The following SLC38A1 variants were observed in gnomAD, a reference collection of about 807,000 sequenced individuals.
SLC38A1 encodes sodium-coupled neutral amino acid symporter 1.
SLC38A1 carries 18 observed loss-of-function variants against 60.3 expected under a neutral mutation model. That is an observed-to-expected ratio of 0.30 (90% CI 0.21 to 0.44). The LOEUF is 0.44. Ranked by LOEUF, SLC38A1 falls within the 20% of genes least tolerant of loss-of-function variation. SLC38A1 has a pLI of 1.00. For synonymous variants in SLC38A1, 196 were observed against 212.1 expected (o/e 0.92, Z 0.66); for missense variants, 448 against 587.2 (o/e 0.76, Z 2.45).
At chr12:46,202,062 T>G (rs532081248) in intron 12 of SLC38A1, among the ~76,000 whole-genome samples, 1 of 151,578 alleles carries the variant, frequency 6.6e-6, no homozygotes, top group South Asian at 2.1e-4. Flanking sequence ...GCATGGGGCA[T>G]GTGCCTGTAG....
intron 1 of SLC38A1, among the ~76,000 whole-genome samples, chr12:46,244,099 T>A (rs755241490): frequency 8.9e-4 from 135 of 152,218 alleles, no homozygotes; most frequent in Non-Finnish European, 1.5e-3. Flanking sequence ...GAACGAAGAA[T>A]AAGTCTGGTT....
chr12:46,234,615 T>C (rs1314299087), intron 3 of SLC38A1, among the ~76,000 whole-genome samples: 4 of 152,062 alleles, frequency 2.6e-5, no homozygotes, highest in Non-Finnish European at 5.9e-5. Context: ...ACCCGGCTAA[T>C]TTTTTGTATT....
chr12:46,223,315 T>C (rs1399395096), intron 5 of SLC38A1, among the ~76,000 whole-genome samples: 1 of 152,188 alleles, frequency 6.6e-6, no homozygotes, highest in Non-Finnish European at 1.5e-5. Context: ...GTAGCATATA[T>C]AGATACTGTT....
chr12:46,261,872 G>T (rs1942207518), intron 1 of SLC38A1, among the ~76,000 whole-genome samples: 1 of 152,170 alleles, frequency 6.6e-6, no homozygotes, highest in African/African-American at 2.4e-5. Context: ...GAGGTATTTG[G>T]CAATGCCTGG....
chr12:46,223,224 A>T (rs2137712314), intron 5 of SLC38A1, among the ~76,000 whole-genome samples: 1 of 152,216 alleles, frequency 6.6e-6, no homozygotes, highest in Middle Eastern at 3.4e-3. Context: ...ATCACAGGTA[A>T]GTTATTAAGC....
At chr12:46,211,072 G>A (rs1049618553) in intron 5 of SLC38A1, among the ~76,000 whole-genome samples, 11 of 152,048 alleles carry the variant, frequency 7.2e-5, no homozygotes, top group South Asian at 2.1e-4. Flanking sequence ...TTTTTTTCCC[G>A]TCAAGTAAGA....
rs545784647 is a variant in SLC38A1 at position 46,218,855 on chromosome 12, C to T, written c.315-9728G>A. ...TCATAGGGGGGTGAAGTAAGATTTT[C>T]TTGCTGTCTTCTGTTCCTGGGTGCA... is the stretch of plus-strand genomic sequence containing the variant. On this transcript the variant is annotated intron_variant, in intron 5 of 16. Transcript: ENST00000398637. 3.9e-5 allele frequency among the ~76,000 whole-genome samples: 6 copies of T among 152,136 alleles called. 1 individual carries two copies. Among genetic ancestry groups the T allele is most frequent in the African/African-American group, 1.4e-4 (6 of 41,490 alleles).
At chr12:46,256,019 T>C (rs1482846486) in intron 1 of SLC38A1, among the ~76,000 whole-genome samples, 1 of 151,704 alleles carries the variant, frequency 6.6e-6, no homozygotes, top group Non-Finnish European at 1.5e-5. Flanking sequence ...TACAAAAAAT[T>C]AGCTGGGCAT....
chr12:46,212,671 A>C (rs1365095194), intron 5 of SLC38A1, among the ~76,000 whole-genome samples: 1 of 152,176 alleles, frequency 6.6e-6, no homozygotes, highest in Admixed American at 6.5e-5. Context: ...CCTGAGAAGA[A>C]ACTTAGAATT....
At chr12:46,261,091 C>G (rs1467694424) in intron 1 of SLC38A1, among the ~76,000 whole-genome samples, 1 of 152,166 alleles carries the variant, frequency 6.6e-6, no homozygotes, top group Non-Finnish European at 1.5e-5. Context: ...TCACACCATC[C>G]CCCTGATCCT....
chr12:46,183,815 G>C lies in SLC38A1; in HGVS notation c.*5155C>G, dbSNP rs1430505073. 5 of 152,152 alleles carry C rather than the reference G, an allele frequency of 3.3e-5. No homozygotes were observed. The highest frequency in any genetic ancestry group is 6.6e-5 in the Admixed American group (1 of 15,264). 9.4% of individuals were successfully genotyped at this position (152,152 alleles called of 1,614,324 possible). ...GACATTTCTTTCTCTAAATTAAGTAGGGTTTCAGGTTCCAAGTTTACATTG... is the reference window on the plus strand; with the variant it reads ...GACATTTCTTTCTCTAAATTAAGTACGGTTTCAGGTTCCAAGTTTACATTG... On this transcript the variant is annotated 3_prime_UTR_variant, in exon 17 of 17. Coordinates refer to ENST00000398637, the MANE Select transcript of SLC38A1 (RefSeq NM_030674.4).
chr12:46,242,578 A>G (rs943217142), intron 2 of SLC38A1, among the ~76,000 whole-genome samples: 15 of 152,172 alleles, frequency 9.9e-5, no homozygotes, highest in African/African-American at 3.6e-4. Context: ...TTGAGACAAC[A>G]TGGCAAAACC....
intron 5 of SLC38A1, among the ~76,000 whole-genome samples, chr12:46,210,152 T>A (rs750871530): frequency 1.2e-4 from 18 of 152,164 alleles, no homozygotes; most frequent in Admixed American, 1.3e-4. Context: ...AGCACACCTG[T>A]TGAAGGCTGC....
intron 8 of SLC38A1, 98 bp from the exon 9 acceptor site, chr12:46,206,260 T>A (rs1939895429): frequency 1.7e-6 from 1 of 600,668 alleles, no homozygotes; most frequent in Non-Finnish European, 2.8e-6. Flanking sequence ...ATATTTTTAT[T>A]AATTTTTACT....
chr12:46,183,591 CTGTTTT>C lies in SLC38A1; in HGVS notation c.*5373_*5378del, dbSNP rs1294093695. The C allele has an allele frequency of 3.3e-4, 51 of 152,300 alleles. No individual in the cohort carries two copies. The highest frequency in any genetic ancestry group is 1.1e-3 in the African/African-American group (45 of 41,574). The allele number at this position is 152,300 out of a possible 1,614,324, so 9.4% of individuals were successfully genotyped here. A position where few individuals can be genotyped will look rare whatever the true frequency, so the allele number is the denominator to read the frequency against. On this transcript the variant is annotated 3_prime_UTR_variant, in exon 17 of 17. Transcript: ENST00000398637. ...AAAAAAACATTCTTCTCCCCAGCTT[CTGTTTT>C]CATATGTACTGTGTAGTGGTATCAG...
In SLC38A1 at chr12:46,192,783, C is replaced by T. The variant is rs184783633; in HGVS notation, c.1363-3712G>A. Among the ~76,000 whole-genome samples the T allele has an allele frequency of 6.4e-4, 98 of 152,192 alleles. 1 individual carries two copies. In the East Asian group the frequency reaches 8.7e-3, roughly 13 times the overall value. Reference sequence around the variant, plus strand: ...TCTGTGGGATCGGTGGTGATATCCCCTTTATCATTTTTTATTGCATCTATT... The same window carrying T: ...TCTGTGGGATCGGTGGTGATATCCCTTTTATCATTTTTTATTGCATCTATT... On this transcript the variant is annotated intron_variant, in intron 16 of 16. Coordinates refer to ENST00000398637, the MANE Select transcript of SLC38A1 (RefSeq NM_030674.4).
At chr12:46,216,687 C>T (rs1940428132) in intron 5 of SLC38A1, among the ~76,000 whole-genome samples, 1 of 152,120 alleles carries the variant, frequency 6.6e-6, no homozygotes, top group Non-Finnish European at 1.5e-5. Flanking sequence ...CCCGTATCTA[C>T]GTTATCTACT....
chr12:46,207,820 G>A (rs566390414), intron 6 of SLC38A1, among the ~76,000 whole-genome samples, 199 bp from the exon 7 acceptor site: 11 of 152,300 alleles, frequency 7.2e-5, no homozygotes, highest in Admixed American at 5.9e-4. Flanking sequence ...AATGTGAGAT[G>A]CAACCATCAT....
chr12:46,236,499 C>T (rs1469917228), intron 3 of SLC38A1, among the ~76,000 whole-genome samples: 1 of 152,112 alleles, frequency 6.6e-6, no homozygotes, highest in East Asian at 1.9e-4. Context: ...GATTGAGGCT[C>T]AGAGCACAAG....
Sources: gnomAD v4.1 joint callset for allele counts (sites outside exome capture counted in the v4.1 genomes callset) on GRCh38, gnomAD v4.1.1 for gene constraint, MANE v1.5 for transcripts, NCBI Gene and HGNC (gene_info 2026-07-23, HGNC 2026-07-21) for gene names.